ADGB: variants seen among roughly 807,000 people sequenced by gnomAD.
The protein encoded by ADGB is androglobin, also known as calpain-7-like protein.
A neutral mutation model predicts 210.5 loss-of-function variants in ADGB; 172 were observed. The ratio of observed to expected loss-of-function variants is 0.82; its 90% CI spans 0.72 to 0.93. The LOEUF is 0.93. Ranked by LOEUF, ADGB falls within the 40% of genes least tolerant of loss-of-function variation. The probability of loss-of-function intolerance (pLI) is 0.00; values close to 1 mark genes in which losing one functional copy is unlikely to be tolerated. For synonymous variants in ADGB, 658 were observed against 662.7 expected (o/e 0.99, Z 0.11); for missense variants, 2,025 against 1,964.8 (o/e 1.03, Z -0.58).
intron 1 of ADGB, among the ~76,000 whole-genome samples, chr6:146,615,889 T>C (rs1780792090): frequency 6.6e-6 from 1 of 152,230 alleles, no homozygotes; most frequent in Non-Finnish European, 1.5e-5. Context: ...TGCATATATC[T>C]TTTTGATATA....
At chr6:146,812,041 CTCTGATAGTT>C (rs1340320555) in intron 35 of ADGB, among the ~76,000 whole-genome samples, 2 of 152,172 alleles carry the variant, frequency 1.3e-5, no homozygotes, top group Non-Finnish European at 2.9e-5. Context: ...TTTTCCAAAG[CTCTGATAGTT>C]TCTTTGTAGC....
At chr6:146,775,662 T>C (rs760601649) in intron 29 of ADGB, among the ~76,000 whole-genome samples, 1 of 152,138 alleles carries the variant, frequency 6.6e-6, no homozygotes, top group African/African-American at 2.4e-5. Context: ...AAATATTTGG[T>C]TTCAAGTCTC....
intron 11 of ADGB, 65 bp downstream of exon 11, chr6:146,691,355 G>A (rs1357745782): frequency 6.9e-6 from 9 of 1,305,128 alleles, no homozygotes; most frequent in East Asian, 5.7e-5. Flanking sequence ...TTTCATCTGC[G>A]GTGAAAGATG....
intron 1 of ADGB, among the ~76,000 whole-genome samples, 164 bp downstream of exon 1, chr6:146,599,278 C>A (rs147400138): frequency 5.6e-4 from 86 of 152,314 alleles, no homozygotes; most frequent in African/African-American, 2.0e-3. Flanking sequence ...TGCTCGCTCT[C>A]ATCCTTCTCT....
intron 20 of ADGB, among the ~76,000 whole-genome samples, chr6:146,729,092 C>T (rs1325638951): frequency 6.6e-6 from 1 of 152,162 alleles, no homozygotes; most frequent in Non-Finnish European, 1.5e-5. Context: ...GGTGGTTGCT[C>T]TCAAGGGCTT....
At chr6:146,668,853 T>C (rs965164071) in intron 7 of ADGB, among the ~76,000 whole-genome samples, 3 of 152,036 alleles carry the variant, frequency 2.0e-5, no homozygotes, top group African/African-American at 7.2e-5. Flanking sequence ...GTCAGTGACA[T>C]GTCTGAGTGG....
Position 146,782,097 on chromosome 6 carries a change from T to C in ADGB, c.3940T>C (p.Ser1314Pro), listed in dbSNP as rs761124834. The change falls in exon 30 of 36, where the codon TCA (serine) becomes CCA (proline). Residue 1314 changes from serine to proline, a missense_variant. Coordinates refer to ENST00000397944, the MANE Select transcript of ADGB (RefSeq NM_024694.4). ...SHTISEGQKS[S>P]VTSKTTRKGK... ...CACTATTAGTGAGGGACAAAAATCT[T>C]CAGTAACTTCCAAAACAACAAGGAA... 1 of 1,548,384 alleles carries C rather than the reference T, an allele frequency of 6.5e-7. No individual in the cohort carries two copies. Among genetic ancestry groups the C allele is most frequent in the South Asian group, 1.2e-5 (1 of 83,068 alleles).
chr6:146,679,226 A>T (rs879846920), intron 9 of ADGB, among the ~76,000 whole-genome samples: 2 of 152,202 alleles, frequency 1.3e-5, no homozygotes, highest in Non-Finnish European at 2.9e-5. Flanking sequence ...ACAATGATCA[A>T]TCTTTACCAC....
chr6:146,808,842 G>A (rs773341024), intron 35 of ADGB, among the ~76,000 whole-genome samples: 10 of 140,576 alleles, frequency 7.1e-5, no homozygotes, highest in Non-Finnish European at 1.4e-4. Flanking sequence ...TCTTGTTGGG[G>A]TGATCATACC....
rs1270574321 is a variant in ADGB, at chr6:146,728,695, A to G, written c.2474A>G (p.Tyr825Cys). 3.2e-6 allele frequency: 5 copies of G among 1,551,190 alleles called. No homozygotes were observed. In the African/African-American group the frequency reaches 6.8e-5, roughly 21 times the overall value. Residue 825 changes from tyrosine (Y) to cysteine (C), a missense_variant, in exon 20 of 36, where the codon TAC becomes TGC. Transcript: ENST00000397944. ...AALKDLQTAH[Y>C]PVPFHDKELT... The stretch of plus-strand genomic sequence containing the variant: ...TTGAAGGATCTGCAAACAGCTCACT[A>G]CCCTGTCCCCTTCCATGATAAAGAA...
intron 5 of ADGB, among the ~76,000 whole-genome samples, chr6:146,663,206 TTA>T (rs547322315): frequency 6.9e-6 from 1 of 144,166 alleles, no homozygotes; most frequent in Admixed American, 7.2e-5. Context: ...TTAAGGTTTT[TTA>T]TATATATATA....
chr6:146,654,315 T>C (rs1307178277), intron 4 of ADGB, 109 bp downstream of exon 4: 3 of 494,424 alleles, frequency 6.1e-6, no homozygotes, highest in East Asian at 7.4e-5. Flanking sequence ...CTTTAAGTTT[T>C]GGTATTATAT....
At chr6:146,797,371 C>T (rs865980609) in intron 33 of ADGB, among the ~76,000 whole-genome samples, 2 of 152,136 alleles carry the variant, frequency 1.3e-5, no homozygotes, top group South Asian at 4.1e-4. Context: ...GAAAAGAAGT[C>T]ACTATATGAA....
Position 146,785,595 on chromosome 6 carries a change from A to G in ADGB, c.4213-15A>G, listed in dbSNP as rs1583638065. 6.5e-7 allele frequency: 1 copy of G among 1,544,784 alleles called. No individual in the cohort carries two copies. The highest frequency in any genetic ancestry group is 1.7e-4 in the Middle Eastern group (1 of 5,970). On this transcript the variant is annotated splice_polypyrimidine_tract_variant and intron_variant, in intron 31 of 35. Coordinates refer to ENST00000397944, the MANE Select transcript of ADGB (RefSeq NM_024694.4). ...TTGAAGAGCTTTTAAAAAGCTGCTC[A>G]TGTTTGTTTTTTAGGCTTCTCAGGC...
intron 33 of ADGB, among the ~76,000 whole-genome samples, chr6:146,789,397 A>G (rs1777923683): frequency 6.6e-6 from 1 of 152,144 alleles, no homozygotes. Context: ...CTATTTTTCT[A>G]CTTGTTTTGA....
At chr6:146,640,502 A>G (rs1051281173) in intron 2 of ADGB, among the ~76,000 whole-genome samples, 4 of 152,198 alleles carry the variant, frequency 2.6e-5, no homozygotes, top group African/African-American at 9.6e-5. Flanking sequence ...CATCGATGCA[A>G]AATTCCTCAA....
At chr6:146,772,602 TTATATAA>T (rs1217236865) in intron 29 of ADGB, among the ~76,000 whole-genome samples, 2 of 147,266 alleles carry the variant, frequency 1.4e-5, no homozygotes, top group Non-Finnish European at 1.5e-5. Flanking sequence ...TAATATGTAA[TTATATAA>T]TATATATTAT....
At chr6:146,736,459 T>C in intron 22 of ADGB, 39 bp from the exon 23 acceptor site, 1 of 1,333,210 alleles carries the variant, frequency 7.5e-7, no homozygotes, top group Non-Finnish European at 1.0e-6. Flanking sequence ...TTCAGGCATC[T>C]TAAAGCTTAA....
intron 2 of ADGB, chr6:146,638,700 C>T (rs1775463657): frequency 6.6e-6 from 1 of 150,880 alleles, no homozygotes; most frequent in African/African-American, 2.4e-5. Context: ...CACATGTATA[C>T]ATATGTAACT....
Sources: allele counts gnomAD v4.1 joint callset (sites outside exome capture counted in the v4.1 genomes callset), GRCh38; gene constraint gnomAD v4.1.1; transcripts MANE v1.5; gene names NCBI Gene and HGNC (gene_info 2026-07-23, HGNC 2026-07-21).